The following CELF4 variants were observed in gnomAD, a reference collection of about 807,000 sequenced individuals.
The protein encoded by CELF4 is CUGBP Elav-like family member 4, also known as CUG-BP- and ETR-3-like factor 4.
Under a neutral mutation model 59.9 loss-of-function variants are expected in CELF4, and 18 were observed. The observed-to-expected ratio is 0.30, with a 90% confidence interval of 0.21 to 0.45. CELF4 has a LOEUF of 0.45. Among genes scored for constraint, CELF4 ranks in the 20% least tolerant of loss-of-function variants. The pLI, the probability that CELF4 is intolerant of heterozygous loss-of-function variation, is 1.00. For synonymous variants in CELF4, 261 were observed against 267.1 expected (o/e 0.98, Z 0.22); for missense variants, 456 against 689.0 (o/e 0.66, Z 3.79).
chr18:37,365,644 C>A (rs576608077), intron 2 of CELF4, among the ~76,000 whole-genome samples: 24 of 152,166 alleles, frequency 1.6e-4, no homozygotes, highest in Admixed American at 1.4e-3. Context: ...CACCGCCACA[C>A]TCGGCTAATT....
At chr18:37,397,753 G>T (rs944208573) in intron 2 of CELF4, among the ~76,000 whole-genome samples, 1 of 152,234 alleles carries the variant, frequency 6.6e-6, no homozygotes, top group Non-Finnish European at 1.5e-5. Flanking sequence ...AGGTGGGTAT[G>T]TTGGCTTTTT....
intron 2 of CELF4, among the ~76,000 whole-genome samples, chr18:37,476,320 C>T (rs1288734386): frequency 6.6e-6 from 1 of 152,224 alleles, no homozygotes; most frequent in Admixed American, 6.5e-5. Flanking sequence ...GTTGGGCACA[C>T]CAGGCTCACC....
chr18:37,309,943 T>A (rs1397276860), intron 3 of CELF4, among the ~76,000 whole-genome samples: 1 of 151,266 alleles, frequency 6.6e-6, no homozygotes, highest in Non-Finnish European at 1.5e-5. Context: ...AAGCCTTCCT[T>A]ATCCCATTCC....
chr18:37,278,954 T>C (rs2093757873), intron 3 of CELF4, among the ~76,000 whole-genome samples: 1 of 152,322 alleles, frequency 6.6e-6, no homozygotes, highest in South Asian at 2.1e-4. Context: ...AACGGTACCA[T>C]TTGGCTGGTG....
chr18:37,530,965 T>C (rs530068341), intron 1 of CELF4, among the ~76,000 whole-genome samples: 2 of 148,958 alleles, frequency 1.3e-5, no homozygotes, highest in East Asian at 2.0e-4. Flanking sequence ...CTGCCAGTAG[T>C]ATCTTTAAGC....
chr18:37,335,771 C>G (rs894923958), intron 2 of CELF4, among the ~76,000 whole-genome samples: 2 of 152,106 alleles, frequency 1.3e-5, no homozygotes, highest in African/African-American at 4.8e-5. Flanking sequence ...GCCTGTGGCT[C>G]TCTTCAACCT....
At chr18:37,364,732 A>C (rs2098753590) in intron 2 of CELF4, among the ~76,000 whole-genome samples, 1 of 152,248 alleles carries the variant, frequency 6.6e-6, no homozygotes, top group African/African-American at 2.4e-5. Context: ...AAGTAGAACC[A>C]TACTCAAATG....
chr18:37,451,254 G>C (rs1373723997), intron 2 of CELF4, among the ~76,000 whole-genome samples: 2 of 152,184 alleles, frequency 1.3e-5, no homozygotes, highest in African/African-American at 4.8e-5. Context: ...CCAGGAATGT[G>C]AGCCTGATAA....
intron 2 of CELF4, among the ~76,000 whole-genome samples, chr18:37,463,212 A>G (rs898608701): frequency 6.6e-5 from 10 of 152,198 alleles, no homozygotes; most frequent in African/African-American, 2.4e-4. Flanking sequence ...CATTAACCCA[A>G]GTGAGGGGCC....
At chr18:37,540,948 A>T (rs1258627110) in intron 1 of CELF4, among the ~76,000 whole-genome samples, 1 of 152,088 alleles carries the variant, frequency 6.6e-6, no homozygotes, top group East Asian at 1.9e-4. Context: ...GAGTGGGGGC[A>T]TGGGGAAGGA....
intron 3 of CELF4, among the ~76,000 whole-genome samples, chr18:37,276,949 C>A (rs937567291): frequency 5.3e-5 from 8 of 152,304 alleles, no homozygotes; most frequent in Admixed American, 3.3e-4. Context: ...ACTCAGGGAC[C>A]CTGTGTCCTT....
intron 1 of CELF4, among the ~76,000 whole-genome samples, chr18:37,486,698 C>A (rs1017514908): frequency 5.3e-5 from 8 of 152,190 alleles, no homozygotes; most frequent in African/African-American, 1.9e-4. Context: ...CCTTTTCAAG[C>A]CACCCATGGC....
chr18:37,308,105 C>G (rs1178968394), intron 3 of CELF4, among the ~76,000 whole-genome samples: 1 of 152,018 alleles, frequency 6.6e-6, no homozygotes, highest in Non-Finnish European at 1.5e-5. Flanking sequence ...GCCCCCTGCC[C>G]AACCCCTCAT....
At chr18:37,422,248 C>T (rs1254961702) in intron 2 of CELF4, among the ~76,000 whole-genome samples, 1 of 152,224 alleles carries the variant, frequency 6.6e-6, no homozygotes. Flanking sequence ...GAGATGGGAG[C>T]AGGGAGAATG....
At chr18:37,482,386 T>A (rs188742386) in intron 2 of CELF4, among the ~76,000 whole-genome samples, 1 of 152,302 alleles carries the variant, frequency 6.6e-6, no homozygotes, top group East Asian at 1.9e-4. Flanking sequence ...AGGGAGTCAC[T>A]CTGCCTGGAT....
chr18:37,280,312 A>T (rs2093967964), intron 3 of CELF4, among the ~76,000 whole-genome samples: 1 of 152,184 alleles, frequency 6.6e-6, no homozygotes, highest in Non-Finnish European at 1.5e-5. Flanking sequence ...TTCAGCAAAC[A>T]TTGATTGAGC....
chr18:37,262,037 T>C (rs2074881502), intron 10 of CELF4, among the ~76,000 whole-genome samples: 1 of 152,196 alleles, frequency 6.6e-6, no homozygotes, highest in African/African-American at 2.4e-5. Context: ...TGTCTCTCCC[T>C]GGCCCCATGC....
intron 2 of CELF4, among the ~76,000 whole-genome samples, chr18:37,389,619 A>G (rs1427287589): frequency 6.6e-6 from 1 of 152,108 alleles, no homozygotes; most frequent in Non-Finnish European, 1.5e-5. Flanking sequence ...TGGGAAGCAT[A>G]GAAAACAGGA....
intron 1 of CELF4, among the ~76,000 whole-genome samples, chr18:37,517,486 G>A (rs980325813): frequency 6.6e-6 from 1 of 152,084 alleles, no homozygotes; most frequent in African/African-American, 2.4e-5. Flanking sequence ...CCCACTGCTT[G>A]GATGGTTCCC....
Sources: gnomAD v4.1 joint callset for allele counts (sites outside exome capture counted in the v4.1 genomes callset) on GRCh38, gnomAD v4.1.1 for gene constraint, MANE v1.5 for transcripts, NCBI Gene and HGNC (gene_info 2026-07-23, HGNC 2026-07-21) for gene names.